TOGARAM2: variants seen among roughly 807,000 people sequenced by gnomAD.
The protein encoded by TOGARAM2 is TOG array regulator of axonemal microtubules protein 2.
TOGARAM2 carries 85 observed loss-of-function variants against 93.3 expected under a neutral mutation model. That is an observed-to-expected ratio of 0.91 (90% CI 0.76 to 1.09). TOGARAM2 has a LOEUF of 1.09. TOGARAM2 is among the 50% of genes least tolerant of loss of function. TOGARAM2 has a pLI of 0.00. For missense variants in TOGARAM2, 1,277 were observed against 1,334.5 expected, an observed-to-expected ratio of 0.96 and a Z score of 0.67; for synonymous variants, 593 against 552.8, an observed-to-expected ratio of 1.07 and a Z score of -1.02.
intron 1 of TOGARAM2, among the ~76,000 whole-genome samples, chr2:28,959,110 G>T (rs1382151640): frequency 6.6e-6 from 1 of 152,108 alleles, no homozygotes; most frequent in Non-Finnish European, 1.5e-5. Context: ...CCCTGGCCTG[G>T]CTGTACCCTC....
At chr2:28,991,093 T>A (rs1332663604) in intron 1 of TOGARAM2, among the ~76,000 whole-genome samples, 1 of 151,198 alleles carries the variant, frequency 6.6e-6, no homozygotes, top group Non-Finnish European at 1.5e-5. Flanking sequence ...TATTGAGCAA[T>A]TACTATATGC....
intron 1 of TOGARAM2, among the ~76,000 whole-genome samples, chr2:28,971,824 T>G (rs1411063420): frequency 1.3e-5 from 2 of 152,226 alleles, no homozygotes; most frequent in Non-Finnish European, 2.9e-5. Flanking sequence ...AATCGAATGA[T>G]AAATTTGTTA....
At chr2:28,987,313 G>A (rs952212538) in intron 1 of TOGARAM2, among the ~76,000 whole-genome samples, 20 of 151,918 alleles carry the variant, frequency 1.3e-4, no homozygotes, top group African/African-American at 2.4e-4. Context: ...TTTATGAGAC[G>A]GAGTCTTGCT....
intron 1 of TOGARAM2, among the ~76,000 whole-genome samples, chr2:28,991,701 C>T (rs1672741678): frequency 1.3e-5 from 2 of 152,260 alleles, no homozygotes; most frequent in Middle Eastern, 3.4e-3. Flanking sequence ...TGTGCGAGGC[C>T]CGGGTGGTTG....
At position 29,003,579 on chromosome 2, in the gene TOGARAM2, G is replaced by T; in HGVS notation, c.727G>T (p.Ala243Ser). 3.1e-6 allele frequency: 5 copies of T among 1,596,422 alleles called. No homozygotes were observed. Among genetic ancestry groups the T allele is most frequent in the East Asian group, 2.3e-5 (1 of 43,174 alleles). The change falls in exon 6 of 20, where the codon GCC becomes TCC. Residue 243 changes from alanine (A) to serine (S), a missense_variant. Coordinates refer to ENST00000379558, the MANE Select transcript of TOGARAM2 (RefSeq NM_199280.4). ...GAIVIPPIPKARTVAATPSRV... is the reference protein window; with the variant it reads ...GAIVIPPIPKSRTVAATPSRV... Reference sequence around the variant, plus strand: ...CATCGTGATCCCACCCATCCCAAAGGCCAGGACGGTTGCAGCGACCCCCTC... The same window carrying T: ...CATCGTGATCCCACCCATCCCAAAGTCCAGGACGGTTGCAGCGACCCCCTC...
At chr2:29,031,657 C>G (rs897678450) in intron 14 of TOGARAM2, among the ~76,000 whole-genome samples, 7 of 152,126 alleles carry the variant, frequency 4.6e-5, no homozygotes. Context: ...ATGACCAAGT[C>G]CCACATTTTT....
chr2:28,989,403 C>CTT (rs11415368), intron 1 of TOGARAM2, among the ~76,000 whole-genome samples: 66 of 149,508 alleles, frequency 4.4e-4, no homozygotes, highest in Admixed American at 6.0e-4. Flanking sequence ...GCATTATCTC[C>CTT]TTTTTTTTTC....
chr2:28,977,452 G>T (rs73922917), upstream of TOGARAM2, among the ~76,000 whole-genome samples: 3,027 of 152,208 alleles, frequency 0.02, 117 homozygotes, highest in African/African-American at 0.07. Flanking sequence ...ACCAGCCCAG[G>T]GGGTCAGAAC....
At chr2:28,994,658 T>C (rs542236212) in intron 1 of TOGARAM2, 67 bp from the exon 2 acceptor site, 2 of 568,442 alleles carry the variant, frequency 3.5e-6, no homozygotes, top group Admixed American at 6.2e-5. Context: ...CTGAAGGGCT[T>C]TTTGTGAAGT....
intron 13 of TOGARAM2, among the ~76,000 whole-genome samples, chr2:29,025,940 G>A (rs1665326683): frequency 6.6e-6 from 1 of 152,184 alleles, no homozygotes; most frequent in African/African-American, 2.4e-5. Flanking sequence ...CAGGACTCCA[G>A]CCAGGACACT....
intron 1 of TOGARAM2, among the ~76,000 whole-genome samples, chr2:28,961,402 C>T (rs1158545452): frequency 6.6e-6 from 1 of 152,090 alleles, no homozygotes; most frequent in African/African-American, 2.4e-5. Flanking sequence ...AGTGTAGTAA[C>T]GCAAACTCGG....
At position 29,017,796 on chromosome 2, in the gene TOGARAM2, C is replaced by T. The variant is rs1397443406; in HGVS notation, c.1200C>T (p.Leu400=). ...GGACTTTCTCTGTGTCCACAGGCCTCCTTCCCCTCCGGGGCAGCGGGACAC... is the reference window on the plus strand; with the variant it reads ...GGACTTTCTCTGTGTCCACAGGCCTTCTTCCCCTCCGGGGCAGCGGGACAC... ...GSQRAFMKEG[L]LPLRGSGTLS... is the part of the protein sequence containing the mutation. The change falls in exon 10 of 20, where the codon CTC becomes CTT. Residue 400 remains leucine (L), a synonymous_variant. Transcript: ENST00000379558. 1.2e-6 allele frequency: 2 copies of T among 1,608,038 alleles called. No homozygotes were observed. Among genetic ancestry groups the T allele is most frequent in the East Asian group, 2.2e-5 (1 of 44,574 alleles).
At chr2:28,988,149 C>T (rs1672551909) in intron 1 of TOGARAM2, among the ~76,000 whole-genome samples, 1 of 152,130 alleles carries the variant, frequency 6.6e-6, no homozygotes, top group Non-Finnish European at 1.5e-5. Context: ...TTGGAAGTCC[C>T]GATAATCAGA....
At position 29,051,748 on chromosome 2, in the gene TOGARAM2, C is replaced by A; in HGVS notation, c.2723-8C>A. The A allele has an allele frequency of 6.8e-7, 1 of 1,478,788 alleles. No homozygotes were observed. Among genetic ancestry groups the A allele is most frequent in the South Asian group, 1.4e-5 (1 of 71,770 alleles). 91.6% of individuals were successfully genotyped at this position (1,478,788 alleles called of 1,614,324 possible). ...TGGCTCAAGTGACTCTCCTTTTCTGCCTGACAGTGCTGGTGGCCTCAGTTT... is the reference window on the plus strand; with the variant it reads ...TGGCTCAAGTGACTCTCCTTTTCTGACTGACAGTGCTGGTGGCCTCAGTTT... On this transcript the variant is annotated splice_region_variant and splice_polypyrimidine_tract_variant and intron_variant, in intron 19 of 19. Coordinates refer to ENST00000379558, the MANE Select transcript of TOGARAM2 (RefSeq NM_199280.4).
chr2:28,988,765 C>T (rs961883659), intron 1 of TOGARAM2, among the ~76,000 whole-genome samples: 5 of 152,198 alleles, frequency 3.3e-5, no homozygotes, highest in Admixed American at 3.3e-4. Flanking sequence ...ACCTTCCACT[C>T]ACGCCTCAGA....
intron 19 of TOGARAM2, chr2:29,050,380 T>C (rs1666996415): frequency 6.6e-6 from 1 of 151,996 alleles, no homozygotes; most frequent in Non-Finnish European, 1.5e-5. Flanking sequence ...AAACAAAAAA[T>C]AAAGCTCCAG....
At chr2:29,033,371 G>T (rs1360773235) in intron 15 of TOGARAM2, 98 bp from the exon 16 acceptor site, 9 of 1,139,040 alleles carry the variant, frequency 7.9e-6, no homozygotes, top group Non-Finnish European at 9.0e-6. Flanking sequence ...CTCCTAGGTG[G>T]AAGGGATTAT....
intron 1 of TOGARAM2, among the ~76,000 whole-genome samples, chr2:28,958,548 C>T (rs1421441654): frequency 1.3e-5 from 2 of 152,274 alleles, no homozygotes. Context: ...GCAATCCTCC[C>T]TCCTTGGCCT....
At chr2:28,997,145 A>G (rs1347595595) in intron 2 of TOGARAM2, among the ~76,000 whole-genome samples, 1 of 152,252 alleles carries the variant, frequency 6.6e-6, no homozygotes, top group Non-Finnish European at 1.5e-5. Context: ...TTCTGTAGAC[A>G]CAAGGAAACA....
Sources: allele counts gnomAD v4.1 joint callset (sites outside exome capture counted in the v4.1 genomes callset), GRCh38; gene constraint gnomAD v4.1.1; transcripts MANE v1.5; gene names NCBI Gene and HGNC (gene_info 2026-07-23, HGNC 2026-07-21).